The following PCSK5 variants were observed in gnomAD, a reference collection of about 807,000 sequenced individuals.
The protein encoded by PCSK5 is prohormone convertase 5.
PCSK5 carries 129 observed loss-of-function variants against 233.2 expected under a neutral mutation model. The ratio of observed to expected loss-of-function variants is 0.55; its 90% CI spans 0.48 to 0.64. The LOEUF (loss-of-function observed/expected upper bound fraction) is 0.64, where lower values mean the gene tolerates loss of function less well. Ranked by LOEUF, PCSK5 falls within the 30% of genes least tolerant of loss-of-function variation. The probability of loss-of-function intolerance (pLI) is 0.00; values close to 1 mark genes in which losing one functional copy is unlikely to be tolerated. For synonymous variants in PCSK5, 825 were observed against 879.2 expected (o/e 0.94, Z 1.09); for missense variants, 2,076 against 2,430.1 (o/e 0.85, Z 3.06).
chr9:75,920,407 G>A (rs1306034690), intron 1 of PCSK5, among the ~76,000 whole-genome samples: 5 of 152,072 alleles, frequency 3.3e-5, no homozygotes, highest in Non-Finnish European at 5.9e-5. Context: ...TCCTGCCTCG[G>A]CCTCCCAAAG....
At chr9:76,190,453 A>G (rs1232905100) in intron 20 of PCSK5, among the ~76,000 whole-genome samples, 2 of 151,930 alleles carry the variant, frequency 1.3e-5, no homozygotes, top group East Asian at 1.9e-4. Flanking sequence ...AGTTTTCACC[A>G]TATTAAAAAT....
Position 76,169,750 on chromosome 9 carries a change from A to G in PCSK5, c.1666A>G (p.Thr556Ala). The change falls in exon 13 of 38, where the codon ACC becomes GCC. Residue 556 changes from threonine (T) to alanine (A), a missense_variant. Thr to Ala is a moderately conservative substitution (Grantham distance 58). Coordinates refer to ENST00000674117, the MANE Select transcript of PCSK5 (RefSeq NM_001372043.1). ...MEGFKNWEFM[T>A]IHCWGERAAG... ...AGGATTCAAAAACTGGGAGTTCATG[A>G]CCATTCATTGCTGGGGAGAAAGAGC... The G allele has an allele frequency of 6.2e-7, 1 of 1,613,482 alleles. No individual in the cohort carries two copies. Among genetic ancestry groups the G allele is most frequent in the Non-Finnish European group, 8.5e-7 (1 of 1,179,464 alleles).
intron 35 of PCSK5, among the ~76,000 whole-genome samples, chr9:76,346,392 C>T (rs1450264946): frequency 6.6e-6 from 1 of 152,098 alleles, no homozygotes; most frequent in East Asian, 1.9e-4. Context: ...AAAAGTTCAT[C>T]CACATAGTAT....
chr9:76,097,242 A>ATCC, intron 8 of PCSK5, among the ~76,000 whole-genome samples: 1 of 56,770 alleles, frequency 1.8e-5, no homozygotes, highest in Middle Eastern at 0.013. Flanking sequence ...CAAAAAGTGC[A>ATCC]TTTCTTTTTT....
intron 5 of PCSK5, among the ~76,000 whole-genome samples, chr9:76,039,185 TTG>T (rs1828990796): frequency 6.6e-6 from 1 of 152,040 alleles, no homozygotes; most frequent in African/African-American, 2.4e-5. Context: ...CATATTCTCA[TTG>T]TGTTTTTATA....
At chr9:75,994,975 G>A (rs534412258) in intron 3 of PCSK5, among the ~76,000 whole-genome samples, 6 of 152,182 alleles carry the variant, frequency 3.9e-5, no homozygotes, top group East Asian at 1.9e-4. Flanking sequence ...TTTCTACTTC[G>A]CTTTCTGCTT....
At chr9:76,117,322 G>C (rs1278810299) in intron 9 of PCSK5, among the ~76,000 whole-genome samples, 1 of 152,062 alleles carries the variant, frequency 6.6e-6, no homozygotes, top group African/African-American at 2.4e-5. Context: ...AGAGATTAAA[G>C]ATAATTACAT....
At chr9:76,181,689 G>T in intron 16 of PCSK5, 98 bp downstream of exon 16, 2 of 763,920 alleles carry the variant, frequency 2.6e-6, no homozygotes, top group Non-Finnish European at 4.3e-6. Flanking sequence ...ATCTGGAATT[G>T]TGCTTCATAT....
intron 20 of PCSK5, among the ~76,000 whole-genome samples, chr9:76,217,553 G>A (rs2131295676): frequency 6.6e-6 from 1 of 152,312 alleles, no homozygotes; most frequent in Non-Finnish European, 1.5e-5. Flanking sequence ...CTTGCCCAAG[G>A]TTACACATGT....
intron 30 of PCSK5, among the ~76,000 whole-genome samples, chr9:76,316,544 T>G (rs990369509): frequency 4.0e-4 from 60 of 149,300 alleles, no homozygotes; most frequent in African/African-American, 1.4e-3. Context: ...GGTAACATAG[T>G]AAGACCCCCA....
chr9:76,311,105 G>A (rs1304471641), intron 30 of PCSK5, among the ~76,000 whole-genome samples: 3 of 152,088 alleles, frequency 2.0e-5, no homozygotes, highest in African/African-American at 7.2e-5. Flanking sequence ...GCTGGGCGTG[G>A]TGGCTCACAC....
chr9:76,097,152 C>G (rs978386197), intron 8 of PCSK5, among the ~76,000 whole-genome samples: 13 of 149,552 alleles, frequency 8.7e-5, no homozygotes, highest in African/African-American at 2.5e-4. Context: ...AGGCTGGTCT[C>G]AAACTCCTGA....
chr9:76,309,996 C>T (rs1019947500), intron 29 of PCSK5, among the ~76,000 whole-genome samples: 2 of 152,046 alleles, frequency 1.3e-5, no homozygotes, highest in African/African-American at 2.4e-5. Context: ...GCCTGTAATG[C>T]CAGCACTTTA....
chr9:76,198,460 C>T (rs945831312), intron 20 of PCSK5, among the ~76,000 whole-genome samples: 2 of 152,040 alleles, frequency 1.3e-5, no homozygotes, highest in Admixed American at 1.3e-4. Flanking sequence ...AAAATCAGGC[C>T]GATAGACATT....
intron 9 of PCSK5, among the ~76,000 whole-genome samples, chr9:76,125,292 C>T (rs1333454465): frequency 6.6e-6 from 1 of 152,118 alleles, no homozygotes; most frequent in African/African-American, 2.4e-5. Flanking sequence ...TCATTTCCTC[C>T]CCCTTCTGAC....
At chr9:76,316,397 A>G (rs1405570623) in intron 30 of PCSK5, among the ~76,000 whole-genome samples, 1 of 152,082 alleles carries the variant, frequency 6.6e-6, no homozygotes, top group Non-Finnish European at 1.5e-5. Flanking sequence ...ATTCTTTACT[A>G]TGCTTACAGG....
At chr9:75,896,759 A>G (rs1564066865) in intron 1 of PCSK5, among the ~76,000 whole-genome samples, 1 of 152,222 alleles carries the variant, frequency 6.6e-6, no homozygotes, top group Non-Finnish European at 1.5e-5. Context: ...ACAGATATGT[A>G]TGTGTGTAAT....
chr9:75,981,614 G>A (rs977436593), intron 2 of PCSK5, among the ~76,000 whole-genome samples: 17 of 152,222 alleles, frequency 1.1e-4, no homozygotes, highest in African/African-American at 3.4e-4. Context: ...GGACAGTGGC[G>A]TCATCATGGC....
intron 6 of PCSK5, among the ~76,000 whole-genome samples, chr9:76,071,287 G>A (rs1398080858): frequency 2.6e-5 from 4 of 152,096 alleles, no homozygotes; most frequent in Admixed American, 6.5e-5. Flanking sequence ...TGGAGGATAC[G>A]AGACCATCCT....
Sources: allele counts gnomAD v4.1 joint callset (sites outside exome capture counted in the v4.1 genomes callset), GRCh38; gene constraint gnomAD v4.1.1; transcripts MANE v1.5; gene names NCBI Gene and HGNC (gene_info 2026-07-23, HGNC 2026-07-21).